Variants in FAR2 observed in about 807,000 individuals in gnomAD.
FAR2 encodes the protein epididymis secretory protein Li 81.
In FAR2, 19 loss-of-function variants were observed where a neutral mutation model predicts 56.0. That is an observed-to-expected ratio of 0.34 (90% CI 0.24 to 0.50). The LOEUF is 0.50. Among genes scored for constraint, FAR2 ranks in the 20% least tolerant of loss-of-function variants. FAR2 has a pLI of 0.98. For synonymous variants in FAR2, 219 were observed against 218.8 expected (o/e 1.00, Z -0.01); for missense variants, 508 against 642.2 (o/e 0.79, Z 2.26).
At position 29,293,280 on chromosome 12, in the gene FAR2, G is replaced by T. The variant is rs1487459539; in HGVS notation, c.190-20G>T. 3 of 1,521,074 alleles carry T rather than the reference G, an allele frequency of 2.0e-6. No individual in the cohort carries two copies. Among genetic ancestry groups the T allele is most frequent in the South Asian group, 2.6e-5 (2 of 77,424 alleles). 94.2% of individuals were successfully genotyped at this position (1,521,074 alleles called of 1,614,324 possible). A position where few individuals can be genotyped will look rare whatever the true frequency, so the allele number is the denominator to read the frequency against. On this transcript the variant is annotated intron_variant, in intron 2 of 11. Coordinates refer to ENST00000536681, the MANE Select transcript of FAR2 (RefSeq NM_001271783.2). The stretch of plus-strand genomic sequence containing the variant: ...ATGATGGTGCTATTTTTTGTATATT[G>T]ATCTATATTTATGTTTCAGCTATTT...
chr12:29,276,513 T>C (rs1948705868), intron 2 of FAR2, among the ~76,000 whole-genome samples: 2 of 152,214 alleles, frequency 1.3e-5, no homozygotes, highest in Admixed American at 1.3e-4. Flanking sequence ...ATATGGAATC[T>C]GATACCTGTA....
At chr12:29,266,700 C>T (rs1948522572) in intron 1 of FAR2, among the ~76,000 whole-genome samples, 1 of 152,002 alleles carries the variant, frequency 6.6e-6, no homozygotes, top group African/African-American at 2.4e-5. Context: ...GATGGGTACT[C>T]CACTTACTCT....
chr12:29,231,724 T>G (rs1947861055), intron 1 of FAR2, among the ~76,000 whole-genome samples: 1 of 152,218 alleles, frequency 6.6e-6, no homozygotes, highest in Admixed American at 6.5e-5. Context: ...CTTTTCCCTC[T>G]GTTGAAAATG....
intron 2 of FAR2, among the ~76,000 whole-genome samples, chr12:29,272,968 G>A (rs1948643668): frequency 6.6e-6 from 1 of 152,114 alleles, no homozygotes; most frequent in Non-Finnish European, 1.5e-5. Context: ...GCTGTGCCTG[G>A]AGATGTCACT....
intron 1 of FAR2, among the ~76,000 whole-genome samples, chr12:29,211,764 G>A (rs1947552649): frequency 6.6e-6 from 1 of 151,728 alleles, no homozygotes; most frequent in Non-Finnish European, 1.5e-5. Flanking sequence ...ATATGGTGAA[G>A]TCTTAATCCC....
chr12:29,210,376 C>G (rs1947530761), intron 1 of FAR2, among the ~76,000 whole-genome samples: 1 of 152,158 alleles, frequency 6.6e-6, no homozygotes, highest in African/African-American at 2.4e-5. Context: ...TTGCAAGTGT[C>G]TATTTCAAGA....
intron 1 of FAR2, among the ~76,000 whole-genome samples, chr12:29,253,144 G>A (rs12301475): frequency 0.63 from 76,342 of 120,934 alleles, 25,576 homozygotes; most frequent in African/African-American, 0.8. Context: ...TGTGTGAGAC[G>A]ACTTCTTAAA....
At chr12:29,168,686 C>T (rs1380182418) in intron 1 of FAR2, among the ~76,000 whole-genome samples, 10 of 152,058 alleles carry the variant, frequency 6.6e-5, no homozygotes, top group Non-Finnish European at 1.0e-4. Flanking sequence ...TTTGTGGTCT[C>T]GCTGACTTCA....
chr12:29,166,851 G>A (rs1029344509), intron 1 of FAR2, among the ~76,000 whole-genome samples: 4 of 152,120 alleles, frequency 2.6e-5, no homozygotes, highest in African/African-American at 9.7e-5. Flanking sequence ...TATGGTTCCA[G>A]TTCAGCAGGA....
chr12:29,253,146 C>T (rs1948240654), intron 1 of FAR2, among the ~76,000 whole-genome samples: 1 of 147,832 alleles, frequency 6.8e-6, no homozygotes, highest in African/African-American at 2.5e-5. Flanking sequence ...TGTGAGACGA[C>T]TTCTTAAAGT....
At chr12:29,229,653 G>A (rs966516467) in intron 1 of FAR2, among the ~76,000 whole-genome samples, 1 of 152,174 alleles carries the variant, frequency 6.6e-6, no homozygotes, top group African/African-American at 2.4e-5. Context: ...AAACCATGAT[G>A]AGCAAAAGCA....
chr12:29,187,617 T>G (rs1176046104), intron 1 of FAR2, among the ~76,000 whole-genome samples: 1 of 152,190 alleles, frequency 6.6e-6, no homozygotes. Context: ...TTGATACCTT[T>G]GTGCCCTAAA....
intron 10 of FAR2, 48 bp from the exon 11 acceptor site, chr12:29,332,552 T>G: frequency 3.7e-6 from 6 of 1,608,124 alleles, no homozygotes; most frequent in Non-Finnish European, 5.1e-6. Context: ...ACAAAGTGAC[T>G]GTCCAGCACT....
In FAR2 at chr12:29,263,508, T is replaced by C. The variant is rs115916479; in HGVS notation, c.-38-6904T>C. Among the ~76,000 whole-genome samples, 355 of 152,048 alleles carry C rather than the reference T, an allele frequency of 2.3e-3. 1 individual carries two copies. Among genetic ancestry groups the C allele is most frequent in the African/African-American group, 8.2e-3 (341 of 41,496 alleles). On this transcript the variant is annotated intron_variant, in intron 1 of 11. Coordinates refer to ENST00000536681, the MANE Select transcript of FAR2 (RefSeq NM_001271783.2). Reference sequence around the variant, plus strand: ...CAACAACAAGACCAATTTTGGAAACTATACAAACACATAGAAATTAAACAA... The same window carrying C: ...CAACAACAAGACCAATTTTGGAAACCATACAAACACATAGAAATTAAACAA...
chr12:29,241,598 A>G (rs1948036576), intron 1 of FAR2, among the ~76,000 whole-genome samples: 1 of 152,088 alleles, frequency 6.6e-6, no homozygotes, highest in Non-Finnish European at 1.5e-5. Context: ...AGACTTTATC[A>G]CAACCTGACA....
intron 2 of FAR2, among the ~76,000 whole-genome samples, chr12:29,286,375 A>G (rs557921038): frequency 1.3e-5 from 2 of 152,244 alleles, no homozygotes; most frequent in South Asian, 4.2e-4. Flanking sequence ...TACTTTCCCT[A>G]TTGTACTGCA....
chr12:29,255,460 C>A (rs1387160449), intron 1 of FAR2, among the ~76,000 whole-genome samples: 1 of 152,094 alleles, frequency 6.6e-6, no homozygotes, highest in Non-Finnish European at 1.5e-5. Flanking sequence ...ACAGTTAAGC[C>A]CATGACAATG....
At chr12:29,304,114 CTT>C (rs1032921190) in intron 4 of FAR2, among the ~76,000 whole-genome samples, 4 of 152,220 alleles carry the variant, frequency 2.6e-5, no homozygotes, top group African/African-American at 4.8e-5. Flanking sequence ...CCACTGGACA[CTT>C]TACTTCCAAT....
At chr12:29,200,425 A>T (rs1344508520) in intron 1 of FAR2, among the ~76,000 whole-genome samples, 1 of 152,130 alleles carries the variant, frequency 6.6e-6, no homozygotes, top group Non-Finnish European at 1.5e-5. Flanking sequence ...GTCAACTATG[A>T]CTCAGAAGTA....
Sources: gnomAD v4.1 joint callset for allele counts (sites outside exome capture counted in the v4.1 genomes callset) on GRCh38, gnomAD v4.1.1 for gene constraint, MANE v1.5 for transcripts, NCBI Gene and HGNC (gene_info 2026-07-23, HGNC 2026-07-21) for gene names.